PDCD2L: variants seen among roughly 807,000 people sequenced by gnomAD.
PDCD2L encodes programmed cell death 2 like.
Under a neutral mutation model 40.4 loss-of-function variants are expected in PDCD2L, and 44 were observed. The observed-to-expected ratio is 1.09, with a 90% CI of 0.86 to 1.40. PDCD2L has a LOEUF of 1.40. Among genes scored for constraint, PDCD2L ranks in the 40% most tolerant of loss-of-function variants. PDCD2L has a pLI of 0.00. For missense variants in PDCD2L, 470 were observed against 453.7 expected (o/e 1.04, Z -0.33); for synonymous variants, 194 against 174.6 (o/e 1.11, Z -0.88).
At chr19:34,425,221 T>C (rs1344083496) in intron 6 of PDCD2L, among the ~76,000 whole-genome samples, 1 of 152,038 alleles carries the variant, frequency 6.6e-6, no homozygotes, top group Non-Finnish European at 1.5e-5. Flanking sequence ...TGTAAACTCT[T>C]AGGGTTTATT....
rs768409527 is a variant in PDCD2L at position 34,409,302 on chromosome 19, G to T, written c.478G>T (p.Ala160Ser). 6.2e-6 allele frequency: 10 copies of T among 1,614,002 alleles called. No individual in the cohort carries two copies. In the African/African-American group the frequency reaches 1.2e-4, roughly 19 times the overall value. Residue 160 changes from alanine to serine, a missense_variant, in exon 4 of 7, where the codon GCT becomes TCT. Coordinates refer to ENST00000246535, the MANE Select transcript of PDCD2L (RefSeq NM_032346.2). ...CAGTGCCAAAGACGTAGACTGGACT[G>T]CTCGGCTCCAAGACCTCCGCCTGCA... ...ASSAKDVDWT[A>S]RLQDLRLQDA...
intron 5 of PDCD2L, among the ~76,000 whole-genome samples, chr19:34,414,631 G>A (rs2075119267): frequency 6.6e-6 from 1 of 151,266 alleles, no homozygotes; most frequent in African/African-American, 2.4e-5. Flanking sequence ...TGGGACTACA[G>A]GCATGTACCA....
chr19:34,412,085 T>C (rs2075106771), intron 4 of PDCD2L, among the ~76,000 whole-genome samples: 1 of 151,466 alleles, frequency 6.6e-6, no homozygotes, highest in African/African-American at 2.4e-5. Context: ...AGTGGCTCAA[T>C]CTCAGCTCAT....
rs2075092269 is a variant in PDCD2L, at chr19:34,409,420, G to A, written c.596G>A (p.Arg199Lys). The A allele has an allele frequency of 2.5e-6, 4 of 1,614,044 alleles. No individual in the cohort carries two copies. The highest frequency in any genetic ancestry group is 1.3e-5 in the African/African-American group (1 of 74,912). ...YICVADEDDYRDFVNLDHAHS... is the reference protein window; with the variant it reads ...YICVADEDDYKDFVNLDHAHS... ...TGTGTTGCAGATGAGGATGATTACAGGGACTTTGTCAACCTGGATCATGCC... is the reference window on the plus strand; with the variant it reads ...TGTGTTGCAGATGAGGATGATTACAAGGACTTTGTCAACCTGGATCATGCC... The change falls in exon 4 of 7, where the codon AGG becomes AAG. Residue 199 changes from arginine (R) to lysine (K), a missense_variant. Coordinates refer to ENST00000246535, the MANE Select transcript of PDCD2L (RefSeq NM_032346.2).
At chr19:34,421,453 T>C (rs2075150461) in intron 5 of PDCD2L, 66 bp from the exon 6 acceptor site, 2 of 1,557,118 alleles carry the variant, frequency 1.3e-6, no homozygotes, top group African/African-American at 1.4e-5. Context: ...TTGCAAAGCA[T>C]GGCCTTAGAT....
At chr19:34,407,136 T>G (rs1272251457) in intron 3 of PDCD2L, among the ~76,000 whole-genome samples, 1 of 144,580 alleles carries the variant, frequency 6.9e-6, no homozygotes, top group East Asian at 2.1e-4. Flanking sequence ...CATGCCCGGC[T>G]CACTCCAGAT....
chr19:34,412,894 A>G (rs369736422), intron 4 of PDCD2L, among the ~76,000 whole-genome samples: 2 of 151,906 alleles, frequency 1.3e-5, no homozygotes, highest in Admixed American at 6.6e-5. Flanking sequence ...GCATGCCACC[A>G]TGCCCAGCTA....
chr19:34,422,333 TG>T, intron 6 of PDCD2L: 1 of 151,120 alleles, frequency 6.6e-6, no homozygotes, highest in Non-Finnish European at 1.5e-5. Flanking sequence ...TTTTTAGTAG[TG>T]ATAGGGTTTC....
intron 5 of PDCD2L, among the ~76,000 whole-genome samples, chr19:34,416,301 T>G (rs992225960): frequency 6.6e-6 from 1 of 152,134 alleles, no homozygotes; most frequent in African/African-American, 2.4e-5. Flanking sequence ...TGGAGGATGG[T>G]GGACCCAGCT....
chr19:34,412,768 G>GT (rs539182334), intron 4 of PDCD2L, among the ~76,000 whole-genome samples: 6,753 of 140,078 alleles, frequency 0.048, 177 homozygotes, highest in South Asian at 0.14. Flanking sequence ...AACTTTGACA[G>GT]TTTTTTTTTT....
chr19:34,405,142 A>ATTTTT, intron 3 of PDCD2L, 152 bp downstream of exon 3: 12 of 364,604 alleles, frequency 3.3e-5, no homozygotes, highest in East Asian at 7.2e-5. Flanking sequence ...ATTTTCGTAA[A>ATTTTT]GTTTTTTTTT....
rs200145826 is a variant in PDCD2L, at chr19:34,413,816, C to T, written c.766C>T (p.Arg256Ter). 23 of 1,603,176 alleles carry T rather than the reference C, an allele frequency of 1.4e-5. No individual in the cohort carries two copies. Among genetic ancestry groups the T allele is most frequent in the African/African-American group, 2.7e-5 (2 of 74,500 alleles). The change falls in exon 5 of 7, where the codon CGA becomes TGA. Residue 256 changes from arginine (R) to a stop codon, truncating the protein, a stop_gained. Transcript: ENST00000246535. LOFTEE classifies it high-confidence loss of function. ...GDQTFYKFMK[R>*]IAACQEQILR... ...TCAGACGTTTTACAAATTCATGAAG[C>T]GAATTGCTGCTTGTCAGGAGCAGAT... is the stretch of plus-strand genomic sequence containing the variant.
At chr19:34,408,912 C>T (rs1380377045) in intron 3 of PDCD2L, among the ~76,000 whole-genome samples, 1 of 152,140 alleles carries the variant, frequency 6.6e-6, no homozygotes, top group African/African-American at 2.4e-5. Flanking sequence ...GATATTGGAA[C>T]GGATGGTTGA....
In PDCD2L at chr19:34,412,817, G is replaced by A. The variant is rs924844958; in HGVS notation, c.687-920G>A. Among the ~76,000 whole-genome samples the A allele has an allele frequency of 2.0e-3, 308 of 151,172 alleles. 7 individuals are homozygous for A. The highest frequency in any genetic ancestry group is 4.3e-4 in the Non-Finnish European group (29 of 67,854). On this transcript the variant is annotated intron_variant, in intron 4 of 6. Transcript: ENST00000246535. ...GACAGGGTCTCACACTGTTATCCAG[G>A]CTGTAGTGCAATGGTGTGCTCACGG...
At chr19:34,414,176 T>A (rs2075116843) in intron 5 of PDCD2L, among the ~76,000 whole-genome samples, 1 of 152,036 alleles carries the variant, frequency 6.6e-6, no homozygotes, top group African/African-American at 2.4e-5. Context: ...TATTATTATT[T>A]AATTTTTTTT....
At chr19:34,416,707 C>T (rs2145467247) in intron 5 of PDCD2L, among the ~76,000 whole-genome samples, 1 of 152,278 alleles carries the variant, frequency 6.6e-6, no homozygotes, top group South Asian at 2.1e-4. Flanking sequence ...TGAGTTGCCC[C>T]CTTTAGGTGT....
At position 34,404,969 on chromosome 19, in the gene PDCD2L, G is replaced by A; in HGVS notation, c.315G>A (p.Glu105=). The A allele has an allele frequency of 6.2e-7, 1 of 1,614,214 alleles. No individual in the cohort carries two copies. Among genetic ancestry groups the A allele is most frequent in the Non-Finnish European group, 8.5e-7 (1 of 1,180,042 alleles). The change falls in exon 3 of 7, where the codon GAG becomes GAA. Residue 105 remains glutamate (E), a synonymous_variant. Coordinates refer to ENST00000246535, the MANE Select transcript of PDCD2L (RefSeq NM_032346.2). The part of the protein sequence containing the change: ...VFRSQCLQVP[E]REAQDAQKQG... Reference sequence around the variant, plus strand: ...GCTCCCAGTGCCTGCAGGTGCCAGAGAGAGAGGCGCAGGACGCTCAGGTAA... The same window carrying A: ...GCTCCCAGTGCCTGCAGGTGCCAGAAAGAGAGGCGCAGGACGCTCAGGTAA...
chr19:34,412,021 A>G lies in PDCD2L; in HGVS notation c.687-1716A>G, dbSNP rs185175222. Among the ~76,000 whole-genome samples the G allele has an allele frequency of 2.0e-3, 292 of 148,170 alleles. 1 individual carries two copies. The highest frequency in any genetic ancestry group is 6.8e-3 in the African/African-American group (276 of 40,808). On this transcript the variant is annotated intron_variant, in intron 4 of 6. Transcript: ENST00000246535. ...AAAATATATATATTAAAAAATATAT[A>G]TGAAAATATATATATTTGAGACAGA...
At chr19:34,419,828 G>A (rs970989222) in intron 5 of PDCD2L, among the ~76,000 whole-genome samples, 1 of 90,482 alleles carries the variant, frequency 1.1e-5, no homozygotes, top group African/African-American at 3.8e-5. Flanking sequence ...GCTTGCGTAG[G>A]CTGGAATGCA....
Sources: allele counts gnomAD v4.1 joint callset (sites outside exome capture counted in the v4.1 genomes callset), GRCh38; gene constraint gnomAD v4.1.1; transcripts MANE v1.5; gene names NCBI Gene and HGNC (gene_info 2026-07-23, HGNC 2026-07-21).